PPP1R12A: variants seen among roughly 807,000 people sequenced by gnomAD.
PPP1R12A encodes myosin binding subunit.
In PPP1R12A, 19 loss-of-function variants were observed where a neutral mutation model predicts 139.6. The ratio of observed to expected loss-of-function variants is 0.14; its 90% confidence interval spans 0.09 to 0.20. The LOEUF is 0.20. Among genes scored for constraint, PPP1R12A ranks in the 10% least tolerant of loss-of-function variants. The pLI is 1.00. For synonymous variants in PPP1R12A, 427 were observed against 420.6 expected, an observed-to-expected ratio of 1.02 and a Z score of -0.19; for missense variants, 925 against 1,211.5, an observed-to-expected ratio of 0.76 and a Z score of 3.51.
chr12:79,891,979 G>A (rs1884688838), intron 1 of PPP1R12A, among the ~76,000 whole-genome samples: 1 of 152,188 alleles, frequency 6.6e-6, no homozygotes, highest in Non-Finnish European at 1.5e-5. Context: ...ACCCAGCTAA[G>A]TCATATCCAT....
intron 5 of PPP1R12A, chr12:79,825,523 A>G (rs1876656580): frequency 6.6e-6 from 1 of 151,928 alleles, no homozygotes; most frequent in South Asian, 2.1e-4. Context: ...ATTTAAAGAA[A>G]TGAAACTGAA....
chr12:79,924,024 AC>A (rs1289674112), intron 1 of PPP1R12A, among the ~76,000 whole-genome samples: 2 of 152,230 alleles, frequency 1.3e-5, no homozygotes, highest in Non-Finnish European at 2.9e-5. Flanking sequence ...AGCCTGGGAG[AC>A]AGAGCAAGAC....
intron 14 of PPP1R12A, among the ~76,000 whole-genome samples, chr12:79,804,020 G>C (rs1467497921): frequency 2.0e-5 from 3 of 152,076 alleles, no homozygotes; most frequent in Non-Finnish European, 4.4e-5. Flanking sequence ...CTCTATGCTA[G>C]AGATAGAAAA....
At chr12:79,791,065 T>C (rs73138611) in intron 19 of PPP1R12A, among the ~76,000 whole-genome samples, 13,279 of 152,282 alleles carry the variant, frequency 0.087, 783 homozygotes, top group Middle Eastern at 0.14. Flanking sequence ...TTACATTGTT[T>C]TTTAAGGTAA....
intron 1 of PPP1R12A, among the ~76,000 whole-genome samples, chr12:79,890,582 A>T (rs1884490042): frequency 6.6e-6 from 1 of 152,212 alleles, no homozygotes; most frequent in African/African-American, 2.4e-5. Context: ...TGTAATATGC[A>T]TCCTTTTTAA....
chr12:79,917,224 T>C (rs1218340629), intron 1 of PPP1R12A, among the ~76,000 whole-genome samples: 3 of 152,076 alleles, frequency 2.0e-5, no homozygotes, highest in African/African-American at 7.2e-5. Context: ...CAGTGGCTCA[T>C]GCCTGTAATC....
At chr12:79,933,410 GTTAA>G (rs531273329) in intron 1 of PPP1R12A, among the ~76,000 whole-genome samples, 1 of 152,182 alleles carries the variant, frequency 6.6e-6, no homozygotes, top group South Asian at 2.1e-4. Context: ...AAGGCATCAA[GTTAA>G]TATTCATGAA....
At chr12:79,847,151 C>T (rs772889600) in intron 2 of PPP1R12A, among the ~76,000 whole-genome samples, 1 of 152,114 alleles carries the variant, frequency 6.6e-6, no homozygotes, top group Non-Finnish European at 1.5e-5. Flanking sequence ...CTTTCCAGTA[C>T]CTCTGCCATA....
At chr12:79,935,107 C>A (rs1054506874), upstream of PPP1R12A, 4 of 1,368,454 alleles carry the variant, frequency 2.9e-6, no homozygotes, top group South Asian at 1.7e-5. Context: ...TGGGGCGGCG[C>A]ACCCGGCCGA....
intron 1 of PPP1R12A, among the ~76,000 whole-genome samples, chr12:79,909,236 T>G (rs1239655282): frequency 6.6e-6 from 1 of 152,212 alleles, no homozygotes; most frequent in Non-Finnish European, 1.5e-5. Flanking sequence ...GAATAATACC[T>G]CATATGATTA....
rs566195667 is a variant in PPP1R12A, at chr12:79,864,496, G to A, written c.368+8312C>T. On this transcript the variant is annotated intron_variant, in intron 2 of 24. Transcript: ENST00000450142. ...ACAAGCAATAACTAAGATCAGAGCA[G>A]AACTGAAGAAGACAGAGACAGAAAA... Among the ~76,000 whole-genome samples, 22 of 152,106 alleles carry A rather than the reference G, an allele frequency of 1.4e-4. No individual in the cohort carries two copies. In the East Asian group the frequency reaches 4.3e-3, roughly 29 times the overall value.
chr12:79,873,378 G>A (rs1390163549), intron 1 of PPP1R12A, among the ~76,000 whole-genome samples: 1 of 151,564 alleles, frequency 6.6e-6, no homozygotes, highest in Non-Finnish European at 1.5e-5. Context: ...ATGTACACGT[G>A]ATGGTATAAA....
intron 10 of PPP1R12A, 71 bp downstream of exon 10, chr12:79,809,724 T>C (rs1592648032): frequency 8.1e-7 from 1 of 1,229,318 alleles, no homozygotes; most frequent in East Asian, 2.5e-5. Flanking sequence ...GCAGAAAATC[T>C]ACCAGATTTG....
At position 79,926,783 on chromosome 12, in the gene PPP1R12A, G is replaced by C. The variant is rs536840970; in HGVS notation, c.237+7912C>G. On this transcript the variant is annotated intron_variant, in intron 1 of 24. Coordinates refer to ENST00000450142, the MANE Select transcript of PPP1R12A (RefSeq NM_002480.3). ...AAGTCCCTACCTTAAGGGTATATAA[G>C]GGACTTCTTCCCCCCCACCCCCAGT... Among the ~76,000 whole-genome samples the C allele has an allele frequency of 2.0e-5, 3 of 152,072 alleles. No individual in the cohort carries two copies. The East Asian group carries it at 5.8e-4, about 29-fold the overall frequency.
chr12:79,805,050 C>T (rs1873657831), intron 14 of PPP1R12A, among the ~76,000 whole-genome samples: 1 of 152,142 alleles, frequency 6.6e-6, no homozygotes, highest in Non-Finnish European at 1.5e-5. Context: ...TGAATAAGTG[C>T]TTTCTATGTA....
At chr12:79,835,414 C>T (rs1220479450) in intron 3 of PPP1R12A, among the ~76,000 whole-genome samples, 4 of 152,120 alleles carry the variant, frequency 2.6e-5, no homozygotes, top group African/African-American at 9.7e-5. Flanking sequence ...AATAAATCCC[C>T]TTCCGTATAT....
At chr12:79,901,793 C>T (rs1035277025) in intron 1 of PPP1R12A, among the ~76,000 whole-genome samples, 1 of 152,040 alleles carries the variant, frequency 6.6e-6, no homozygotes, top group African/African-American at 2.4e-5. Context: ...CGTAATTACA[C>T]CCTAGGAGAA....
chr12:79,910,175 T>C (rs1444226248), intron 1 of PPP1R12A, among the ~76,000 whole-genome samples: 1 of 151,954 alleles, frequency 6.6e-6, no homozygotes, highest in Non-Finnish European at 1.5e-5. Context: ...ATAACTACAA[T>C]ATCTAATTAA....
At chr12:79,893,247 C>T (rs1053700237) in intron 1 of PPP1R12A, among the ~76,000 whole-genome samples, 2 of 152,144 alleles carry the variant, frequency 1.3e-5, no homozygotes, top group African/African-American at 4.8e-5. Context: ...ACACCTTAAG[C>T]CTTTATTTCC....
Sources: allele counts gnomAD v4.1 joint callset (sites outside exome capture counted in the v4.1 genomes callset), GRCh38; gene constraint gnomAD v4.1.1; transcripts MANE v1.5; gene names NCBI Gene and HGNC (gene_info 2026-07-23, HGNC 2026-07-21).